SMOC1: variants seen among roughly 807,000 people sequenced by gnomAD.
SMOC1 encodes SPARC related modular calcium binding 1.
In SMOC1, 22 loss-of-function variants were observed where a neutral mutation model predicts 56.3. That is an observed-to-expected ratio of 0.39 (90% CI 0.28 to 0.56). The LOEUF is 0.56. Among genes scored for constraint, SMOC1 ranks in the 20% least tolerant of loss-of-function variants. The pLI, the probability that SMOC1 is intolerant of heterozygous loss-of-function variation, is 0.61. For synonymous variants in SMOC1, 193 were observed against 215.0 expected (o/e 0.90, Z 0.89); for missense variants, 509 against 565.4 (o/e 0.90, Z 1.01).
At chr14:69,977,871 A>G (rs1166949806) in intron 4 of SMOC1, 47 bp from the exon 5 acceptor site, 6 of 1,560,426 alleles carry the variant, frequency 3.8e-6, no homozygotes, top group Non-Finnish European at 4.4e-6. Flanking sequence ...GAAACCAACC[A>G]CAATGCATTC....
chr14:70,010,786 A>G lies in SMOC1; in HGVS notation c.697A>G (p.Ser233Gly). The change falls in exon 8 of 12, where the codon AGT (serine) becomes GGT (glycine). Residue 233 changes from serine to glycine, a missense_variant. Ser to Gly is a moderately conservative substitution (Grantham distance 56). Coordinates refer to ENST00000361956, the MANE Select transcript of SMOC1 (RefSeq NM_001034852.3). ...CTATTCGTGTGACCAGGAGAGGCAG[A>G]GTGCCCTGGAAGAGGCCCAGCAGAA... ...KVYSCDQERQ[S>G]ALEEAQQNPR... 18 of 1,614,256 alleles carry G rather than the reference A, an allele frequency of 1.1e-5. No individual in the cohort carries two copies. The highest frequency in any genetic ancestry group is 1.5e-5 in the Non-Finnish European group (18 of 1,180,038).
intron 1 of SMOC1, among the ~76,000 whole-genome samples, chr14:69,904,995 A>G (rs1884367562): frequency 6.6e-6 from 1 of 152,210 alleles, no homozygotes. Context: ...TGTGTTATCA[A>G]GTTTGTAACG....
chr14:69,979,939 C>A (rs1002533497), intron 5 of SMOC1, among the ~76,000 whole-genome samples: 10 of 152,170 alleles, frequency 6.6e-5, no homozygotes, highest in Non-Finnish European at 1.5e-4. Flanking sequence ...AACTGCCAGC[C>A]ATGGGATTCT....
Position 70,030,220 on chromosome 14 carries a change from G to A in SMOC1, c.1292-22G>A, listed in dbSNP as rs200469941. ...CCCCGACCTTTTTTTTTTTTTTTTT[G>A]CATTCTCCTTCCTTCTCTCAGTAGG... is the stretch of plus-strand genomic sequence containing the variant. On this transcript the variant is annotated intron_variant, in intron 11 of 11. Transcript: ENST00000361956. The A allele has an allele frequency of 3.2e-4, 322 of 997,756 alleles. 4 individuals carry two copies. The African/African-American group carries it at 7.2e-3, about 22-fold the overall frequency. 61.8% of individuals were successfully genotyped at this position (997,756 alleles called of 1,614,324 possible). A position where few individuals can be genotyped will look rare whatever the true frequency, so the allele number is the denominator to read the frequency against.
At chr14:69,893,015 T>A (rs538099851) in intron 1 of SMOC1, among the ~76,000 whole-genome samples, 23 of 152,234 alleles carry the variant, frequency 1.5e-4, no homozygotes, top group Non-Finnish European at 2.9e-4. Flanking sequence ...TTTTTCACTT[T>A]GTAATTTATT....
chr14:69,916,947 T>C (rs1445785648), intron 1 of SMOC1, among the ~76,000 whole-genome samples: 1 of 152,248 alleles, frequency 6.6e-6, no homozygotes, highest in Non-Finnish European at 1.5e-5. Flanking sequence ...TAGAACATGC[T>C]GGAAGCATGC....
chr14:69,934,684 A>G (rs1044024863), intron 1 of SMOC1, among the ~76,000 whole-genome samples: 4 of 152,194 alleles, frequency 2.6e-5, no homozygotes, highest in African/African-American at 9.7e-5. Context: ...TTAGAAACCT[A>G]CATCTTCTTT....
chr14:69,922,249 A>G (rs1177281175), intron 1 of SMOC1, among the ~76,000 whole-genome samples: 1 of 152,234 alleles, frequency 6.6e-6, no homozygotes, highest in African/African-American at 2.4e-5. Flanking sequence ...AATGCACTTA[A>G]TGTTCTTAGC....
chr14:69,924,385 C>A (rs982002521), intron 1 of SMOC1, among the ~76,000 whole-genome samples: 1 of 152,146 alleles, frequency 6.6e-6, no homozygotes, highest in African/African-American at 2.4e-5. Flanking sequence ...TCTACTCAGC[C>A]CTGGAAATCA....
chr14:70,005,984 C>G (rs1447045782), intron 7 of SMOC1, among the ~76,000 whole-genome samples: 2 of 152,146 alleles, frequency 1.3e-5, no homozygotes, highest in South Asian at 4.2e-4. Flanking sequence ...TGGGGAGCTC[C>G]CTCTCTGAAC....
At chr14:69,929,893 C>T (rs995222469) in intron 1 of SMOC1, among the ~76,000 whole-genome samples, 1 of 152,142 alleles carries the variant, frequency 6.6e-6, no homozygotes, top group Non-Finnish European at 1.5e-5. Context: ...CCTTCTTACT[C>T]AGAAACCTCT....
chr14:69,952,929 CTAATT>C (rs994635029), intron 2 of SMOC1, among the ~76,000 whole-genome samples: 8 of 152,314 alleles, frequency 5.3e-5, no homozygotes, highest in African/African-American at 1.7e-4. Context: ...GCTGGTTTCT[CTAATT>C]TATATCTTTT....
intron 1 of SMOC1, among the ~76,000 whole-genome samples, chr14:69,904,056 G>A (rs1367547789): frequency 6.6e-6 from 1 of 152,146 alleles, no homozygotes; most frequent in Non-Finnish European, 1.5e-5. Context: ...CTGCACTGGG[G>A]GGCCCAGGTG....
intron 3 of SMOC1, among the ~76,000 whole-genome samples, chr14:69,972,034 G>A (rs1883779947): frequency 6.6e-6 from 1 of 152,152 alleles, no homozygotes; most frequent in African/African-American, 2.4e-5. Context: ...TGTGAGCTAA[G>A]TGTTTTATTT....
intron 3 of SMOC1, among the ~76,000 whole-genome samples, chr14:69,972,529 G>A (rs1883800931): frequency 6.6e-6 from 1 of 151,772 alleles, no homozygotes; most frequent in Non-Finnish European, 1.5e-5. Context: ...GACTTGGAAG[G>A]AGCTCCCAGC....
chr14:69,976,866 T>C (rs1202239469), intron 4 of SMOC1, among the ~76,000 whole-genome samples: 2 of 152,206 alleles, frequency 1.3e-5, no homozygotes, highest in African/African-American at 2.4e-5. Context: ...CTTTTTCTAC[T>C]TGCTCTGTTA....
intron 5 of SMOC1, among the ~76,000 whole-genome samples, chr14:69,987,532 A>G (rs940461266): frequency 5.3e-5 from 8 of 152,110 alleles, no homozygotes; most frequent in Non-Finnish European, 8.8e-5. Context: ...TAACTCCTCA[A>G]TGGACTTGCC....
intron 1 of SMOC1, among the ~76,000 whole-genome samples, chr14:69,925,917 A>T (rs985842378): frequency 6.6e-6 from 1 of 152,168 alleles, no homozygotes; most frequent in African/African-American, 2.4e-5. Context: ...ACACATCTGG[A>T]GAAGACTGCG....
rs766160933 is a variant in SMOC1 at position 69,977,930 on chromosome 14, A to G, written c.491A>G (p.Asp164Gly). The change falls in exon 5 of 12, where the codon GAC (aspartate) becomes GGC (glycine). Residue 164 changes from aspartate (D) to glycine (G), a missense_variant. This residue lies in a region of SMOC1 where 315 missense variants were observed against 333.1 expected (regional missense o/e 0.95). Transcript: ENST00000361956. ...KTPVCSGSVTDKPLSQGNSGR... is the reference protein window; with the variant it reads ...KTPVCSGSVTGKPLSQGNSGR... ...CTTCTCACCCAAGGTTCAGTCACCG[A>G]CAAGCCCTTGAGCCAGGGTAACTCA... 3.7e-6 allele frequency: 6 copies of G among 1,614,092 alleles called. No individual in the cohort carries two copies. In the South Asian group the frequency reaches 5.5e-5, roughly 15 times the overall value.
Sources: allele counts gnomAD v4.1 joint callset (sites outside exome capture counted in the v4.1 genomes callset), GRCh38; gene constraint gnomAD v4.1.1; regional missense constraint gnomAD v4.1.1; transcripts MANE v1.5; gene names NCBI Gene and HGNC (gene_info 2026-07-23, HGNC 2026-07-21).